ZMYND11: variants seen among roughly 807,000 people sequenced by gnomAD.
ZMYND11 encodes the protein zinc finger MYND-type containing 11.
In ZMYND11, 9 loss-of-function variants were observed where a neutral mutation model predicts 84.9. That is an observed-to-expected ratio of 0.11 (90% CI 0.06 to 0.18). The LOEUF is 0.18. ZMYND11 is among the 10% of genes least tolerant of loss of function. ZMYND11 has a pLI of 1.00. For synonymous variants in ZMYND11, 250 were observed against 244.1 expected (o/e 1.02, Z -0.23); for missense variants, 409 against 761.0 (o/e 0.54, Z 5.44).
At chr10:198,278 G>A (rs903894415) in intron 2 of ZMYND11, among the ~76,000 whole-genome samples, 2 of 151,878 alleles carry the variant, frequency 1.3e-5, no homozygotes, top group African/African-American at 4.8e-5. Context: ...ATTACTAAAT[G>A]TTTTACTTTA....
At position 246,966 on chromosome 10, in the gene ZMYND11, A is replaced by G. The variant is rs1302208628; in HGVS notation, c.1151A>G (p.Asn384Ser). ...EAESSISSTS[N>S]EQLKVTQEPR... is the part of the protein sequence containing the mutation. ...GAATCCAGTATCTCCTCCACCAGTA[A>G]TGAGCAGGTGAGTGTGTCTCCGGAA... is the stretch of plus-strand genomic sequence containing the variant. The change falls in exon 11 of 15, where the codon AAT (asparagine) becomes AGT (serine). Residue 384 changes from asparagine to serine, a missense_variant. Physicochemically the swap from Asn to Ser is conservative, Grantham distance 46. Transcript: ENST00000381604. The G allele has an allele frequency of 6.9e-6, 11 of 1,605,250 alleles. No individual in the cohort carries two copies. Among genetic ancestry groups the G allele is most frequent in the Non-Finnish European group, 9.4e-6 (11 of 1,175,816 alleles).
intron 1 of ZMYND11, among the ~76,000 whole-genome samples, chr10:141,313 C>T (rs1332243608): frequency 1.3e-5 from 2 of 151,932 alleles, no homozygotes; most frequent in East Asian, 1.9e-4. Context: ...TCTTAGATGC[C>T]GAGGCGAGCA....
chr10:140,097 C>T (rs1837155563), intron 1 of ZMYND11, among the ~76,000 whole-genome samples: 4 of 151,824 alleles, frequency 2.6e-5, no homozygotes, highest in Admixed American at 2.6e-4. Context: ...GCATCCTATC[C>T]CAGACACACA....
chr10:178,385 C>G (rs1847126634), intron 1 of ZMYND11, among the ~76,000 whole-genome samples: 1 of 152,168 alleles, frequency 6.6e-6, no homozygotes. Flanking sequence ...TTTATATAAT[C>G]TCACAGGATT....
intron 2 of ZMYND11, among the ~76,000 whole-genome samples, chr10:196,718 C>T (rs1941835528): frequency 6.6e-6 from 1 of 152,044 alleles, no homozygotes; most frequent in African/African-American, 2.4e-5. Flanking sequence ...ATTTTAAATA[C>T]TGGAATTCAA....
intron 4 of ZMYND11, among the ~76,000 whole-genome samples, chr10:232,137 G>GCTAT (rs1949108599): frequency 6.6e-6 from 1 of 152,316 alleles, no homozygotes; most frequent in South Asian, 2.1e-4. Context: ...GTTGTCAAGA[G>GCTAT]CTATCTGCTT....
intron 2 of ZMYND11, among the ~76,000 whole-genome samples, chr10:192,754 C>T (rs753443710): frequency 6.6e-6 from 1 of 152,188 alleles, no homozygotes; most frequent in Non-Finnish European, 1.5e-5. Context: ...CATTTTGTCA[C>T]TTGGATGTTT....
intron 1 of ZMYND11, among the ~76,000 whole-genome samples, chr10:169,345 A>G (rs1300288471): frequency 2.6e-5 from 4 of 152,120 alleles, no homozygotes. Flanking sequence ...TTAAAGTCCT[A>G]TTTAGCAAGA....
intron 4 of ZMYND11, among the ~76,000 whole-genome samples, chr10:223,771 T>G (rs1418471314): frequency 6.6e-6 from 1 of 152,216 alleles, no homozygotes; most frequent in Non-Finnish European, 1.5e-5. Context: ...TTTTCATATC[T>G]TTAAGGTGAA....
chr10:167,324 T>C (rs568806518), intron 1 of ZMYND11, among the ~76,000 whole-genome samples: 1 of 152,190 alleles, frequency 6.6e-6, no homozygotes, highest in South Asian at 2.1e-4. Context: ...TTCAAATGGG[T>C]GAATTGTATG....
intron 12 of ZMYND11, 26 bp from the exon 13 acceptor site, chr10:248,310 G>GT (rs776973444): frequency 3.1e-6 from 5 of 1,604,482 alleles, no homozygotes; most frequent in Non-Finnish European, 2.6e-6. Context: ...TTCGTTTGGC[G>GT]TCTAAACTCT....
At chr10:247,904 A>C (rs183569604) in intron 12 of ZMYND11, among the ~76,000 whole-genome samples, 68 of 152,380 alleles carry the variant, frequency 4.5e-4, no homozygotes, top group Admixed American at 2.5e-3. Context: ...TAAAACTGTA[A>C]ATCTGGGCAC....
chr10:130,691 C>T (rs969287191), upstream of ZMYND11, among the ~76,000 whole-genome samples: 12 of 152,272 alleles, frequency 7.9e-5, no homozygotes, highest in Non-Finnish European at 1.5e-4. Flanking sequence ...TCCAAGCAAT[C>T]TGATGTTAGA....
intron 4 of ZMYND11, among the ~76,000 whole-genome samples, chr10:224,750 C>G (rs1158428185): frequency 2.6e-5 from 4 of 151,974 alleles, no homozygotes; most frequent in Non-Finnish European, 5.9e-5. Flanking sequence ...TTTTTGGCAC[C>G]TGTTATGATT....
intron 1 of ZMYND11, among the ~76,000 whole-genome samples, chr10:150,997 G>C (rs768871348): frequency 6.6e-6 from 1 of 152,202 alleles, no homozygotes; most frequent in Non-Finnish European, 1.5e-5. Context: ...CAGACCTGCA[G>C]CTGAGGGTCC....
At chr10:231,524 C>G (rs2131590243) in intron 4 of ZMYND11, among the ~76,000 whole-genome samples, 1 of 152,280 alleles carries the variant, frequency 6.6e-6, no homozygotes, top group East Asian at 1.9e-4. Flanking sequence ...ACTGAAAATT[C>G]TGTACTAATA....
At chr10:217,564 T>A (rs1005739399) in intron 3 of ZMYND11, among the ~76,000 whole-genome samples, 3 of 152,052 alleles carry the variant, frequency 2.0e-5, no homozygotes, top group African/African-American at 7.2e-5. Flanking sequence ...TAATGAATTT[T>A]AAAATGCCTA....
At chr10:221,671 C>T (rs1947161468) in intron 4 of ZMYND11, among the ~76,000 whole-genome samples, 1 of 152,130 alleles carries the variant, frequency 6.6e-6, no homozygotes, top group South Asian at 2.1e-4. Context: ...AACATCTGTT[C>T]AATAGCTACT....
At chr10:208,454 CAAAT>C (rs560125102) in intron 2 of ZMYND11, among the ~76,000 whole-genome samples, 40 of 152,228 alleles carry the variant, frequency 2.6e-4, no homozygotes, top group Admixed American at 3.9e-4. Context: ...AAGAAAAAAA[CAAAT>C]AACCCCAACA....
Sources: gnomAD v4.1 joint callset for allele counts (sites outside exome capture counted in the v4.1 genomes callset) on GRCh38, gnomAD v4.1.1 for gene constraint, MANE v1.5 for transcripts, NCBI Gene and HGNC (gene_info 2026-07-23, HGNC 2026-07-21) for gene names.